SLC35D1: variants seen among roughly 807,000 people sequenced by gnomAD.
The protein encoded by SLC35D1 is solute carrier family 35 member D1.
In SLC35D1, 31 loss-of-function variants were observed where a neutral mutation model predicts 46.7. The observed-to-expected ratio is 0.66, with a 90% confidence interval of 0.50 to 0.90. The LOEUF is 0.90. Among genes scored for constraint, SLC35D1 ranks in the 40% least tolerant of loss-of-function variants. SLC35D1 has a pLI of 0.00. For missense variants in SLC35D1, 397 were observed against 426.2 expected (o/e 0.93, Z 0.60); for synonymous variants, 195 against 164.6 (o/e 1.18, Z -1.41).
chr1:66,993,264 T>A, the SLC35D1 span, among the ~76,000 whole-genome samples: 1 of 152,216 alleles, frequency 6.6e-6, no homozygotes, highest in Admixed American at 6.5e-5. Context: ...GGTTGGACTC[T>A]ACGCACTGGA....
chr1:67,053,114 A>C (rs1244132927), intron 1 of SLC35D1, 125 bp from the exon 2 acceptor site: 2 of 1,116,512 alleles, frequency 1.8e-6, no homozygotes, highest in African/African-American at 3.1e-5. Flanking sequence ...TCCGCCCCTA[A>C]ATCAAACAAA....
rs371625333 is a variant in SLC35D1 at position 67,020,079 on chromosome 1, G to A, written c.876+290C>T. 1.4e-3 allele frequency among the ~76,000 whole-genome samples: 214 copies of A among 152,238 alleles called. 5 individuals are homozygous for A. Among genetic ancestry groups the A allele is most frequent in the Middle Eastern group, 3.4e-3 (1 of 294 alleles). On this transcript the variant is annotated intron_variant, in intron 10 of 11. Transcript: ENST00000235345. ...AAAGGGACAGGCTTATCACTACCAAGCTATTAATCTGCCCTGTCAGAAATA... is the reference window on the plus strand; with the variant it reads ...AAAGGGACAGGCTTATCACTACCAAACTATTAATCTGCCCTGTCAGAAATA...
chr1:66,991,565 G>A, the SLC35D1 span, among the ~76,000 whole-genome samples: 8 of 152,128 alleles, frequency 5.3e-5, no homozygotes, highest in African/African-American at 9.7e-5. Context: ...TCTTCACAAG[G>A]TATATCCTGT....
At chr1:67,052,907 C>A in intron 2 of SLC35D1, 49 bp downstream of exon 2, 1 of 1,614,004 alleles carries the variant, frequency 6.2e-7, no homozygotes, top group Non-Finnish European at 8.5e-7. Flanking sequence ...AAGACACACA[C>A]AGAAGTTCTA....
chr1:67,048,363 C>A (rs1051920660), intron 6 of SLC35D1, among the ~76,000 whole-genome samples: 8 of 152,126 alleles, frequency 5.3e-5, no homozygotes, highest in African/African-American at 1.9e-4. Flanking sequence ...ATTTTGGGTC[C>A]CATCAGCTTC....
intron 6 of SLC35D1, among the ~76,000 whole-genome samples, chr1:67,048,081 ACT>A (rs2102363762): frequency 6.6e-6 from 1 of 152,262 alleles, no homozygotes; most frequent in East Asian, 1.9e-4. Flanking sequence ...GGCTGCACAG[ACT>A]CTGATTTTGC....
intron 8 of SLC35D1, among the ~76,000 whole-genome samples, chr1:67,038,543 T>C (rs1668170944): frequency 3.0e-5 from 2 of 67,666 alleles, no homozygotes; most frequent in Admixed American, 3.7e-4. Context: ...TCACTGGCTT[T>C]GTACTAAAAA....
At chr1:66,985,476 G>T in the SLC35D1 span, 1 of 983,520 alleles carries the variant, frequency 1.0e-6, no homozygotes, top group Non-Finnish European at 1.2e-6. Flanking sequence ...AACCAGGTCA[G>T]GTTTGTATAT....
intron 8 of SLC35D1, among the ~76,000 whole-genome samples, chr1:67,025,303 G>A (rs1667894591): frequency 6.6e-6 from 1 of 152,150 alleles, no homozygotes; most frequent in African/African-American, 2.4e-5. Context: ...GCATACAGAT[G>A]TCAAATTGTT....
In SLC35D1 at chr1:67,007,028, T is replaced by G. The variant is rs111559727; in HGVS notation, c.959+2057A>C. Reference sequence around the variant, plus strand: ...ATAATGTTATCTATCTAAGCTTGTCTGAGGATTAAATGAGATTACACGGAT... The same window carrying G: ...ATAATGTTATCTATCTAAGCTTGTCGGAGGATTAAATGAGATTACACGGAT... On this transcript the variant is annotated intron_variant, in intron 11 of 11. Coordinates refer to ENST00000235345, the MANE Select transcript of SLC35D1 (RefSeq NM_015139.3). 3.2e-3 allele frequency among the ~76,000 whole-genome samples: 491 copies of G among 152,338 alleles called. 6 individuals are homozygous for G. The highest frequency in any genetic ancestry group is 0.011 in the African/African-American group (465 of 41,570).
the SLC35D1 span, among the ~76,000 whole-genome samples, chr1:66,977,185 C>T: frequency 6.6e-6 from 1 of 152,028 alleles, no homozygotes; most frequent in Non-Finnish European, 1.5e-5. Context: ...TCTCAGCTCC[C>T]TGCAGCCTCC....
the SLC35D1 span, among the ~76,000 whole-genome samples, chr1:66,983,794 C>T: frequency 1.3e-4 from 20 of 152,320 alleles, no homozygotes; most frequent in African/African-American, 4.3e-4. Flanking sequence ...GTGGCACAAT[C>T]TCGGCTCACT....
At chr1:66,981,433 T>A in the SLC35D1 span, among the ~76,000 whole-genome samples, 1 of 152,222 alleles carries the variant, frequency 6.6e-6, no homozygotes, top group African/African-American at 2.4e-5. Flanking sequence ...GTACAGAAAT[T>A]CTTTTGTACT....
intron 8 of SLC35D1, among the ~76,000 whole-genome samples, chr1:67,038,203 A>G (rs956982919): frequency 6.6e-6 from 1 of 152,236 alleles, no homozygotes; most frequent in African/African-American, 2.4e-5. Flanking sequence ...AATAATTCAG[A>G]GTCTGAAAAT....
the SLC35D1 span, chr1:66,986,942 A>G: frequency 7.7e-6 from 1 of 129,202 alleles, no homozygotes; most frequent in African/African-American, 3.6e-5. Context: ...GAATTGTTGC[A>G]GTGTTGGAGA....
intron 10 of SLC35D1, among the ~76,000 whole-genome samples, chr1:67,009,633 A>G (rs1410124264): frequency 5.9e-5 from 9 of 152,252 alleles, no homozygotes; most frequent in Non-Finnish European, 1.2e-4. Flanking sequence ...ACAATGTGAT[A>G]CCATCTCATA....
the SLC35D1 span, chr1:66,986,548 A>C: frequency 9.0e-7 from 1 of 1,115,096 alleles, no homozygotes; most frequent in South Asian, 1.3e-5. Context: ...AGAAATTAGC[A>C]TTCAGGCCTT....
chr1:66,985,485 A>G, the SLC35D1 span: 2 of 983,354 alleles, frequency 2.0e-6, no homozygotes, highest in Non-Finnish European at 2.4e-6. Flanking sequence ...AGGTTTGTAT[A>G]TGTAAAATTG....
chr1:66,981,203 G>A, the SLC35D1 span, among the ~76,000 whole-genome samples: 1 of 152,300 alleles, frequency 6.6e-6, no homozygotes, highest in South Asian at 2.1e-4. Context: ...GTTCAGGAAT[G>A]ATTTAGAGAA....
Sources: gnomAD v4.1 joint callset for allele counts (sites outside exome capture counted in the v4.1 genomes callset) on GRCh38, gnomAD v4.1.1 for gene constraint, MANE v1.5 for transcripts, NCBI Gene and HGNC (gene_info 2026-07-23, HGNC 2026-07-21) for gene names.